Variants in DOCK3 observed in about 807,000 individuals in gnomAD.
DOCK3 encodes the protein dedicator of cytokinesis 3.
DOCK3 carries 60 observed loss-of-function variants against 265.6 expected under a neutral mutation model. The observed-to-expected ratio is 0.23, with a 90% CI of 0.18 to 0.28. The LOEUF (loss-of-function observed/expected upper bound fraction) is 0.28. Ranked by LOEUF, DOCK3 falls within the 10% of genes least tolerant of loss-of-function variation. DOCK3 has a pLI of 1.00. For missense variants in DOCK3, 1,981 were observed against 2,594.3 expected (o/e 0.76, Z 5.14); for synonymous variants, 881 against 938.0 (o/e 0.94, Z 1.11).
At chr3:50,942,067 A>G (rs2076310952) in intron 5 of DOCK3, among the ~76,000 whole-genome samples, 1 of 152,090 alleles carries the variant, frequency 6.6e-6, no homozygotes, top group African/African-American at 2.4e-5. Context: ...TTGACAGTGT[A>G]CTGTGGTTAT....
chr3:51,078,999 A>T (rs1398559837), intron 7 of DOCK3, among the ~76,000 whole-genome samples: 1 of 152,236 alleles, frequency 6.6e-6, no homozygotes, highest in Non-Finnish European at 1.5e-5. Context: ...ATTAAAAACC[A>T]CTTAGGATTT....
chr3:51,056,771 G>A (rs2081217496), intron 5 of DOCK3, among the ~76,000 whole-genome samples: 1 of 152,032 alleles, frequency 6.6e-6, no homozygotes, highest in Non-Finnish European at 1.5e-5. Context: ...TTGTTAAAAA[G>A]AAAGTGAGAA....
At chr3:50,856,309 A>G (rs991850303) in intron 3 of DOCK3, among the ~76,000 whole-genome samples, 1 of 152,194 alleles carries the variant, frequency 6.6e-6, no homozygotes, top group Non-Finnish European at 1.5e-5. Flanking sequence ...TAACAGTGTA[A>G]AAGTGTTTCC....
intron 3 of DOCK3, among the ~76,000 whole-genome samples, chr3:50,850,411 T>C (rs2046303998): frequency 6.6e-6 from 1 of 152,112 alleles, no homozygotes; most frequent in Non-Finnish European, 1.5e-5. Context: ...ATTTTGGATC[T>C]TGTTGAGCTT....
intron 1 of DOCK3, among the ~76,000 whole-genome samples, chr3:50,680,035 A>T (rs1285624490): frequency 6.6e-6 from 1 of 152,162 alleles, no homozygotes; most frequent in African/African-American, 2.4e-5. Flanking sequence ...ATTTGAACCT[A>T]GGACTTTGAG....
At chr3:50,758,730 T>C (rs982000830) in intron 1 of DOCK3, among the ~76,000 whole-genome samples, 1 of 152,194 alleles carries the variant, frequency 6.6e-6, no homozygotes, top group Non-Finnish European at 1.5e-5. Flanking sequence ...CTTTATGAAT[T>C]TGAGCACTCC....
In DOCK3 at chr3:50,798,575, A is replaced by AT. The variant is rs540669729; in HGVS notation, c.121+19829dup. On this transcript the variant is annotated intron_variant, in intron 2 of 52. Coordinates refer to ENST00000266037, the MANE Select transcript of DOCK3 (RefSeq NM_004947.5). ...GCTCATTTGCCCATTTTGTAATTGGATTTTTTTTTTTTATTTTGCTTTTGA... is the reference window on the plus strand; with the variant it reads ...GCTCATTTGCCCATTTTGTAATTGGATTTTTTTTTTTTTATTTTGCTTTTGA... Among the ~76,000 whole-genome samples the AT allele has an allele frequency of 6.3e-3, 926 of 146,616 alleles. 9 individuals are homozygous for AT. The highest frequency in any genetic ancestry group is 0.041 in the South Asian group (188 of 4,638).
At chr3:50,707,540 G>T (rs913881681) in intron 1 of DOCK3, among the ~76,000 whole-genome samples, 2 of 152,200 alleles carry the variant, frequency 1.3e-5, no homozygotes, top group Admixed American at 6.5e-5. Flanking sequence ...GAGTGTCAGT[G>T]TTGTCTGTGA....
chr3:50,762,247 A>C (rs2108397941), intron 1 of DOCK3, among the ~76,000 whole-genome samples: 1 of 152,216 alleles, frequency 6.6e-6, no homozygotes, highest in African/African-American at 2.4e-5. Context: ...CTAGAACTTA[A>C]AGTATAAAAA....
chr3:50,878,124 T>C (rs1306838836), intron 3 of DOCK3, among the ~76,000 whole-genome samples: 3 of 152,018 alleles, frequency 2.0e-5, no homozygotes, highest in Non-Finnish European at 4.4e-5. Flanking sequence ...CATCTGTACG[T>C]CACCATCATC....
rs368150193 is a variant in DOCK3 at position 51,229,581 on chromosome 3, G to A, written c.1889G>A (p.Arg630Gln). 1.4e-5 allele frequency: 22 copies of A among 1,605,842 alleles called. No homozygotes were observed. Among genetic ancestry groups the A allele is most frequent in the Admixed American group, 5.1e-5 (3 of 59,242 alleles). ...DRIMDVLGRL[R>Q]HVSGEEIVKF... Reference sequence around the variant, plus strand: ...ATCATGGATGTACTAGGGCGGCTGCGGCATGTCAGTGGGGAGGAAATTGTT... The same window carrying A: ...ATCATGGATGTACTAGGGCGGCTGCAGCATGTCAGTGGGGAGGAAATTGTT... Residue 630 changes from arginine to glutamine, a missense_variant, in exon 19 of 53, where the codon CGG becomes CAG. This residue lies in a region of DOCK3 where 1,357 missense variants were observed against 1,866.8 expected (regional missense o/e 0.73). Transcript: ENST00000266037.
intron 2 of DOCK3, among the ~76,000 whole-genome samples, chr3:50,809,283 A>G (rs774769121): frequency 6.6e-6 from 1 of 152,190 alleles, no homozygotes; most frequent in Non-Finnish European, 1.5e-5. Flanking sequence ...TAGGCTCCTC[A>G]AAAAACACAT....
chr3:51,248,907 C>A (rs1235395412), intron 22 of DOCK3, among the ~76,000 whole-genome samples: 74 of 149,920 alleles, frequency 4.9e-4, no homozygotes, highest in African/African-American at 1.7e-3. Flanking sequence ...AGGTGAGGAG[C>A]GTCTCTGCCC....
chr3:50,840,158 C>T (rs2045747073), intron 2 of DOCK3, among the ~76,000 whole-genome samples: 1 of 152,118 alleles, frequency 6.6e-6, no homozygotes, highest in Non-Finnish European at 1.5e-5. Flanking sequence ...AGTATTTTCT[C>T]CCAGTTTGTG....
chr3:50,942,540 A>G (rs781642287), intron 5 of DOCK3, among the ~76,000 whole-genome samples: 1 of 152,034 alleles, frequency 6.6e-6, no homozygotes, highest in Non-Finnish European at 1.5e-5. Flanking sequence ...TTTGGTATTA[A>G]TGTATACAGT....
intron 27 of DOCK3, among the ~76,000 whole-genome samples, chr3:51,294,229 T>C (rs1277520940): frequency 6.6e-6 from 1 of 152,112 alleles, no homozygotes; most frequent in Admixed American, 6.5e-5. Context: ...TAACATGTGG[T>C]ATATATACAC....
At chr3:50,855,473 G>A (rs1465696411) in intron 3 of DOCK3, among the ~76,000 whole-genome samples, 1 of 152,072 alleles carries the variant, frequency 6.6e-6, no homozygotes, top group East Asian at 1.9e-4. Flanking sequence ...GAATGCTATT[G>A]AAGTATAGAC....
At chr3:50,879,697 C>T (rs568599339) in intron 3 of DOCK3, among the ~76,000 whole-genome samples, 81 of 152,122 alleles carry the variant, frequency 5.3e-4, no homozygotes, top group Middle Eastern at 3.2e-3. Flanking sequence ...TTTTAACACC[C>T]CACTGTCAAC....
intron 1 of DOCK3, among the ~76,000 whole-genome samples, chr3:50,679,160 G>A (rs990736698): frequency 6.6e-6 from 1 of 151,970 alleles, no homozygotes; most frequent in Non-Finnish European, 1.5e-5. Flanking sequence ...TTTTTTTAGT[G>A]ACATGGTCTT....
Sources: allele counts gnomAD v4.1 joint callset (sites outside exome capture counted in the v4.1 genomes callset), GRCh38; gene constraint gnomAD v4.1.1; regional missense constraint gnomAD v4.1.1; transcripts MANE v1.5; gene names NCBI Gene and HGNC (gene_info 2026-07-23, HGNC 2026-07-21).